HIF1A: variants seen among roughly 807,000 people sequenced by gnomAD.
HIF1A encodes hypoxia-inducible factor 1-alpha.
Under a neutral mutation model 92.7 loss-of-function variants are expected in HIF1A, and 24 were observed. The ratio of observed to expected loss-of-function variants is 0.26; its 90% CI spans 0.19 to 0.36. The LOEUF (loss-of-function observed/expected upper bound fraction) is 0.36. Among genes scored for constraint, HIF1A ranks in the 10% least tolerant of loss-of-function variants. The pLI is 1.00. For synonymous variants in HIF1A, 319 were observed against 338.7 expected (o/e 0.94, Z 0.64); for missense variants, 799 against 998.5 (o/e 0.80, Z 2.69).
At chr14:61,741,782 T>G (rs1038854480) in intron 12 of HIF1A, among the ~76,000 whole-genome samples, 16 of 152,194 alleles carry the variant, frequency 1.1e-4, no homozygotes, top group African/African-American at 3.9e-4. Flanking sequence ...TTTACAGAAC[T>G]TGTTTAAAGT....
At chr14:61,735,477 A>G (rs2044624279) in intron 8 of HIF1A, among the ~76,000 whole-genome samples, 1 of 152,226 alleles carries the variant, frequency 6.6e-6, no homozygotes, top group Non-Finnish European at 1.5e-5. Context: ...GATCCCAAGT[A>G]TCAGCTTGTT....
chr14:61,726,210 G>C (rs977894765), intron 4 of HIF1A, among the ~76,000 whole-genome samples: 1 of 151,738 alleles, frequency 6.6e-6, no homozygotes, highest in Admixed American at 6.6e-5. Context: ...TGCTTTACTA[G>C]ATAAATTAAG....
At chr14:61,708,375 G>A (rs1050843624) in intron 1 of HIF1A, among the ~76,000 whole-genome samples, 6 of 152,138 alleles carry the variant, frequency 3.9e-5, no homozygotes. Flanking sequence ...TGAAGTCCTT[G>A]CCCATGCCTA....
At chr14:61,697,170 A>C (rs915507450) in intron 1 of HIF1A, among the ~76,000 whole-genome samples, 2 of 152,188 alleles carry the variant, frequency 1.3e-5, no homozygotes, top group African/African-American at 4.8e-5. Flanking sequence ...TGTTTTGTAG[A>C]TCCCTTCTCC....
At chr14:61,738,052 T>A in intron 9 of HIF1A, 35 bp from the exon 10 acceptor site, 2 of 1,509,132 alleles carry the variant, frequency 1.3e-6, no homozygotes, top group Non-Finnish European at 1.8e-6. Flanking sequence ...AAAATCCTTC[T>A]ATACTTTAGA....
chr14:61,713,435 A>C (rs2140129819), intron 1 of HIF1A, among the ~76,000 whole-genome samples: 1 of 152,304 alleles, frequency 6.6e-6, no homozygotes, highest in Middle Eastern at 3.4e-3. Flanking sequence ...CAGAATTTAC[A>C]GATTCAAATT....
At chr14:61,716,420 A>G (rs577253845) in intron 1 of HIF1A, among the ~76,000 whole-genome samples, 2 of 152,370 alleles carry the variant, frequency 1.3e-5, no homozygotes, top group African/African-American at 4.8e-5. Context: ...ACCAAATAAC[A>G]TAATTGAGGT....
intron 1 of HIF1A, among the ~76,000 whole-genome samples, chr14:61,716,023 G>T (rs925173240): frequency 1.3e-5 from 2 of 152,040 alleles, no homozygotes; most frequent in Non-Finnish European, 2.9e-5. Context: ...AAATAAAACT[G>T]CAGGCAAAAA....
At position 61,695,855 on chromosome 14, in the gene HIF1A, C is replaced by T. The variant is rs1282416709; in HGVS notation, c.35+16C>T. 3.2e-6 allele frequency: 5 copies of T among 1,564,398 alleles called. No homozygotes were observed. Among genetic ancestry groups the T allele is most frequent in the African/African-American group, 1.4e-5 (1 of 73,928 alleles). Reference sequence around the variant, plus strand: ...ACAAGAAAAAGTAAGCCCATTCCCTCGGCCCGCCGCCTTCTCCCCCGGCGA... The same window carrying T: ...ACAAGAAAAAGTAAGCCCATTCCCTTGGCCCGCCGCCTTCTCCCCCGGCGA... On this transcript the variant is annotated intron_variant, in intron 1 of 14. Coordinates refer to ENST00000337138, the MANE Select transcript of HIF1A (RefSeq NM_001530.4).
chr14:61,709,576 A>AT (rs2044283331), intron 1 of HIF1A, among the ~76,000 whole-genome samples: 1 of 152,186 alleles, frequency 6.6e-6, no homozygotes, highest in Non-Finnish European at 1.5e-5. Flanking sequence ...TTCTTTAATT[A>AT]TGGATATTTA....
intron 1 of HIF1A, among the ~76,000 whole-genome samples, chr14:61,718,643 TAC>T (rs1828933080): frequency 6.6e-6 from 1 of 152,214 alleles, no homozygotes. Flanking sequence ...ATGAAAAAAT[TAC>T]AGACTGCTGG....
chr14:61,702,578 G>A (rs1380386348), intron 1 of HIF1A, among the ~76,000 whole-genome samples: 3 of 151,944 alleles, frequency 2.0e-5, no homozygotes, highest in Non-Finnish European at 2.9e-5. Context: ...TTACTTTATA[G>A]TAAGGTTGGG....
At chr14:61,734,091 A>G (rs1157642070) in intron 7 of HIF1A, 47 bp from the exon 8 acceptor site, 7 of 1,333,760 alleles carry the variant, frequency 5.2e-6, no homozygotes, top group Non-Finnish European at 7.1e-6. Context: ...TGAAAATTCA[A>G]AGTTAAAATA....
Position 61,740,928 on chromosome 14 carries a change from T to C in HIF1A, c.1833T>C (p.Thr611=), listed in dbSNP as rs1255195868. The change falls in exon 12 of 15, where the codon ACT becomes ACC. Residue 611 remains threonine (T), a synonymous_variant. Coordinates refer to ENST00000337138, the MANE Select transcript of HIF1A (RefSeq NM_001530.4). ...VFQQTQIQEP[T]ANATTTTATT... ...AGCAGACTCAAATACAAGAACCTAC[T>C]GCTAATGCCACCACTACCACTGCCA... The C allele has an allele frequency of 1.2e-6, 2 of 1,614,166 alleles. No homozygotes were observed. The highest frequency in any genetic ancestry group is 2.2e-5 in the South Asian group (2 of 91,088).
intron 13 of HIF1A, 185 bp from the exon 14 acceptor site, chr14:61,745,505 GA>G: frequency 6.5e-6 from 4 of 611,848 alleles, no homozygotes; most frequent in Non-Finnish European, 1.2e-5. Flanking sequence ...AAATTAACTG[GA>G]AAGTATTTAT....
intron 4 of HIF1A, among the ~76,000 whole-genome samples, chr14:61,724,869 C>CT: frequency 6.6e-6 from 1 of 152,186 alleles, no homozygotes; most frequent in Non-Finnish European, 1.5e-5. Context: ...ACTGATTGTG[C>CT]TTTTTTAAAG....
chr14:61,741,215 AG>A (rs765397382), intron 12 of HIF1A, 27 bp downstream of exon 12: 5 of 1,452,212 alleles, frequency 3.4e-6, no homozygotes, highest in African/African-American at 1.4e-5. Context: ...TTCAAGTTAT[AG>A]TTCTTTTATT....
At chr14:61,699,374 G>T (rs1378207341) in intron 1 of HIF1A, among the ~76,000 whole-genome samples, 1 of 151,924 alleles carries the variant, frequency 6.6e-6, no homozygotes, top group Non-Finnish European at 1.5e-5. Flanking sequence ...ACGGCTCAGG[G>T]TTTAGATTTT....
chr14:61,705,163 A>C (rs762720524), intron 1 of HIF1A, among the ~76,000 whole-genome samples: 9 of 152,114 alleles, frequency 5.9e-5, no homozygotes, highest in Non-Finnish European at 1.0e-4. Context: ...TTTGAGATGT[A>C]CCCAGTGACC....
Sources: allele counts gnomAD v4.1 joint callset (sites outside exome capture counted in the v4.1 genomes callset), GRCh38; gene constraint gnomAD v4.1.1; transcripts MANE v1.5; gene names NCBI Gene and HGNC (gene_info 2026-07-23, HGNC 2026-07-21).